The following PTH2R variants were observed in gnomAD, a reference collection of about 807,000 sequenced individuals.
PTH2R encodes PTH2 receptor.
A neutral mutation model predicts 60.3 loss-of-function variants in PTH2R; 59 were observed. The observed-to-expected ratio is 0.98, with a 90% CI of 0.79 to 1.22. The LOEUF (loss-of-function observed/expected upper bound fraction) is 1.22, where lower values mean the gene tolerates loss of function less well. Ranked by LOEUF, PTH2R falls within the 50% of genes most tolerant of loss-of-function variation. The pLI is 0.00. For missense variants in PTH2R, 749 were observed against 682.6 expected (o/e 1.10, Z -1.08); for synonymous variants, 256 against 243.8 (o/e 1.05, Z -0.47).
At chr2:208,360,833 C>G (rs1700457581) in intron 1 of PTH2R, 1 of 157,474 alleles carries the variant, frequency 6.4e-6, no homozygotes, top group Non-Finnish European at 1.4e-5. Flanking sequence ...CCTCAGACAT[C>G]AGCACCCCAA....
At chr2:208,367,424 C>T (rs371576966) in intron 1 of PTH2R, among the ~76,000 whole-genome samples, 8 of 128,986 alleles carry the variant, frequency 6.2e-5, no homozygotes, top group Middle Eastern at 4.5e-3. Flanking sequence ...TTTTCTCTTT[C>T]TTTTTTTTTT....
At chr2:208,480,234 T>C (rs1703115380) in intron 9 of PTH2R, among the ~76,000 whole-genome samples, 1 of 152,226 alleles carries the variant, frequency 6.6e-6, no homozygotes, top group South Asian at 2.1e-4. Context: ...CTTGATGGCT[T>C]TCTCTTCTGC....
At chr2:208,462,222 A>G (rs146725878) in intron 9 of PTH2R, among the ~76,000 whole-genome samples, 1 of 152,328 alleles carries the variant, frequency 6.6e-6, no homozygotes, top group African/African-American at 2.4e-5. Flanking sequence ...TAATTTACTT[A>G]TTTTAATCAA....
chr2:208,387,516 T>C lies in PTH2R; in HGVS notation c.-259+27279T>C, dbSNP rs556062178. On this transcript the variant is annotated intron_variant, in intron 1 of 12. Coordinates refer to the PTH2R transcript ENST00000617735. ...GCCTAATCACTGAAGCTTCAGACTT[T>C]GTTGCTTTGATTCCCTTAGGAAAAA... Among the ~76,000 whole-genome samples the C allele has an allele frequency of 6.0e-4, 91 of 152,294 alleles. No individual in the cohort carries two copies. The Middle Eastern group carries it at 0.01, about 17-fold the overall frequency.
chr2:208,423,060 C>T (rs1392563041), intron 1 of PTH2R, among the ~76,000 whole-genome samples: 1 of 151,932 alleles, frequency 6.6e-6, no homozygotes, highest in African/African-American at 2.4e-5. Context: ...CACTGACAGT[C>T]TGCATTGTTT....
At chr2:208,386,475 C>A (rs886244153) in intron 1 of PTH2R, among the ~76,000 whole-genome samples, 1 of 152,156 alleles carries the variant, frequency 6.6e-6, no homozygotes, top group African/African-American at 2.4e-5. Flanking sequence ...CAATACCTGG[C>A]ACACTGCAAT....
intron 10 of PTH2R, among the ~76,000 whole-genome samples, chr2:208,482,929 A>C (rs1703189426): frequency 6.6e-6 from 1 of 152,206 alleles, no homozygotes; most frequent in African/African-American, 2.4e-5. Context: ...GTCCATTCAT[A>C]GGCTCTCTGC....
chr2:208,457,825 G>A (rs7564720), intron 8 of PTH2R, among the ~76,000 whole-genome samples: 12,069 of 152,160 alleles, frequency 0.079, 515 homozygotes, highest in Non-Finnish European at 0.084. Flanking sequence ...GTAGTTCTTA[G>A]TGTGTACTGA....
At chr2:208,362,326 TAATA>T (rs150486669) in intron 1 of PTH2R, among the ~76,000 whole-genome samples, 2,281 of 152,314 alleles carry the variant, frequency 0.015, 64 homozygotes, top group African/African-American at 0.053. Flanking sequence ...CTAATTCCCA[TAATA>T]AATCTCCTCT....
At chr2:208,441,968 T>C (rs1315999257) in intron 4 of PTH2R, among the ~76,000 whole-genome samples, 1 of 152,200 alleles carries the variant, frequency 6.6e-6, no homozygotes, top group Non-Finnish European at 1.5e-5. Flanking sequence ...GAATGAACTA[T>C]TTATACATGT....
At chr2:208,491,661 G>T (rs1444078841) in intron 12 of PTH2R, among the ~76,000 whole-genome samples, 2 of 151,864 alleles carry the variant, frequency 1.3e-5, no homozygotes, top group African/African-American at 4.8e-5. Flanking sequence ...TGCAGGCACA[G>T]CCCCTCCTAC....
chr2:208,485,020 T>C (rs1245259604), intron 10 of PTH2R, among the ~76,000 whole-genome samples: 1 of 152,126 alleles, frequency 6.6e-6, no homozygotes, highest in East Asian at 1.9e-4. Context: ...ATAGATACTA[T>C]GATTGATTTA....
intron 6 of PTH2R, 101 bp downstream of exon 6, chr2:208,443,638 C>T: frequency 1.0e-6 from 1 of 968,346 alleles, no homozygotes; most frequent in Non-Finnish European, 1.5e-6. Flanking sequence ...TTTTACTTAT[C>T]TCTGAACTAA....
intron 10 of PTH2R, among the ~76,000 whole-genome samples, chr2:208,482,256 G>A (rs1476292374): frequency 6.6e-6 from 1 of 152,130 alleles, no homozygotes; most frequent in Non-Finnish European, 1.5e-5. Flanking sequence ...AATGCAACGG[G>A]GCTCTCTCTT....
At chr2:208,403,130 T>C (rs192647041), upstream of PTH2R, among the ~76,000 whole-genome samples, 56 of 152,334 alleles carry the variant, frequency 3.7e-4, no homozygotes, top group East Asian at 1.9e-3. Flanking sequence ...AAGAAATTGG[T>C]TAAAATATGT....
At chr2:208,480,540 C>CA (rs1435817502) in intron 9 of PTH2R, among the ~76,000 whole-genome samples, 2 of 152,058 alleles carry the variant, frequency 1.3e-5, no homozygotes, top group African/African-American at 2.4e-5. Context: ...TTATAACATT[C>CA]AAAAAATCAA....
chr2:208,469,906 C>G (rs548016658), intron 9 of PTH2R: 2 of 152,286 alleles, frequency 1.3e-5, no homozygotes, highest in South Asian at 4.1e-4. Context: ...GCCTGAAGAG[C>G]AGGAGATGCT....
chr2:208,436,249 C>A (rs1702072512), intron 2 of PTH2R, among the ~76,000 whole-genome samples: 2 of 150,992 alleles, frequency 1.3e-5, no homozygotes, highest in Non-Finnish European at 1.5e-5. Flanking sequence ...AGCGTGTTTA[C>A]TCAGAAGTTG....
chr2:208,483,314 A>C (rs1330555003), intron 10 of PTH2R, among the ~76,000 whole-genome samples: 1 of 152,240 alleles, frequency 6.6e-6, no homozygotes, highest in Non-Finnish European at 1.5e-5. Context: ...ATCTGAGAAG[A>C]CATAGGCCAA....
Sources: gnomAD v4.1 joint callset for allele counts (sites outside exome capture counted in the v4.1 genomes callset) on GRCh38, gnomAD v4.1.1 for gene constraint, MANE v1.5 for transcripts, NCBI Gene and HGNC (gene_info 2026-07-23, HGNC 2026-07-21) for gene names.